The following KMT2C variants were observed in gnomAD, a reference collection of about 807,000 sequenced individuals.
KMT2C encodes the protein lysine methyltransferase 2C.
In KMT2C, 88 loss-of-function variants were observed where a neutral mutation model predicts 507.9. That is an observed-to-expected ratio of 0.17 (90% CI 0.15 to 0.21). The LOEUF (loss-of-function observed/expected upper bound fraction) is 0.21, where lower values mean the gene tolerates loss of function less well. Ranked by LOEUF, KMT2C falls within the 10% of genes least tolerant of loss-of-function variation. The probability of loss-of-function intolerance (pLI) is 1.00; values close to 1 mark genes in which losing one functional copy is unlikely to be tolerated. For synonymous variants in KMT2C, 2,049 were observed against 2,080.8 expected (o/e 0.98, Z 0.42); for missense variants, 4,954 against 5,957.8 (o/e 0.83, Z 5.55).
chr7:152,422,283 C>CT (rs1271290677), intron 1 of KMT2C, among the ~76,000 whole-genome samples: 2 of 125,380 alleles, frequency 1.6e-5, no homozygotes, highest in African/African-American at 6.4e-5. Flanking sequence ...CCAGTCTCTA[C>CT]TAAAAAAAAA....
chr7:152,361,825 A>C (rs2097200161), intron 1 of KMT2C, among the ~76,000 whole-genome samples: 1 of 152,230 alleles, frequency 6.6e-6, no homozygotes, highest in South Asian at 2.1e-4. Context: ...CATAAAGCAA[A>C]CATTTACAGA....
chr7:152,221,176 G>A (rs2094756698), intron 22 of KMT2C, among the ~76,000 whole-genome samples: 1 of 152,182 alleles, frequency 6.6e-6, no homozygotes, highest in Admixed American at 6.5e-5. Context: ...AGAATCGCTT[G>A]AACCCGGGAG....
chr7:152,150,841 C>A, intron 51 of KMT2C, 59 bp downstream of exon 51: 1 of 1,186,354 alleles, frequency 8.4e-7, no homozygotes, highest in South Asian at 1.2e-5. Flanking sequence ...TCCCATATGC[C>A]CAGAACACAG....
At chr7:152,336,881 G>A (rs571667780) in intron 2 of KMT2C, among the ~76,000 whole-genome samples, 2 of 152,280 alleles carry the variant, frequency 1.3e-5, no homozygotes, top group South Asian at 4.1e-4. Flanking sequence ...TCAGAAAGGT[G>A]GGGACAACTG....
intron 1 of KMT2C, among the ~76,000 whole-genome samples, chr7:152,403,709 GACACATACACACACACACAC>G (rs2097586170): frequency 2.6e-5 from 4 of 151,114 alleles, no homozygotes; most frequent in African/African-American, 9.7e-5. Flanking sequence ...GAAAAACTGG[GACACATACACACACACACAC>G]ACACACACAC....
chr7:152,367,166 C>T (rs990887995), intron 1 of KMT2C: 13 of 1,455,998 alleles, frequency 8.9e-6, no homozygotes, highest in Non-Finnish European at 1.2e-5. Flanking sequence ...AAAATTCTTC[C>T]AAGGATGGTC....
chr7:152,389,103 C>T (rs1344083103), intron 1 of KMT2C, among the ~76,000 whole-genome samples: 1 of 151,406 alleles, frequency 6.6e-6, no homozygotes, highest in Non-Finnish European at 1.5e-5. Flanking sequence ...AGGATAGTCT[C>T]GACCTCCTGG....
chr7:152,428,248 C>T (rs2097839088), intron 1 of KMT2C, among the ~76,000 whole-genome samples: 1 of 152,020 alleles, frequency 6.6e-6, no homozygotes, highest in African/African-American at 2.4e-5. Flanking sequence ...TTAAACCTAG[C>T]CTACAAAGTA....
At position 152,181,645 on chromosome 7, in the gene KMT2C, T is replaced by C. The variant is rs1292477105; in HGVS notation, c.6215A>G (p.Tyr2072Cys). The change falls in exon 36 of 59, where the codon TAT (tyrosine) becomes TGT (cysteine). Residue 2072 changes from tyrosine to cysteine, a missense_variant. Around this residue, in one of 29 missense-constraint regions of KMT2C, gnomAD observed 1,689 missense variants for 1,654.3 expected, o/e 1.02. Coordinates refer to ENST00000262189, the MANE Select transcript of KMT2C (RefSeq NM_170606.3). ...TCTTGGTGTCAAAGCAGGCCTTTCA[T>C]AAGGGTCAACAGACAATCGCCTTGA... The part of the protein sequence containing the change: ...QASRRLSVDP[Y>C]ERPALTPRPI... The C allele has an allele frequency of 5.0e-6, 8 of 1,613,996 alleles. No homozygotes were observed. Among genetic ancestry groups the C allele is most frequent in the Non-Finnish European group, 6.8e-6 (8 of 1,180,008 alleles).
chr7:152,152,608 C>A (rs1470690557), intron 49 of KMT2C, 97 bp downstream of exon 49: 9 of 1,426,882 alleles, frequency 6.3e-6, no homozygotes, highest in Non-Finnish European at 4.9e-6. Context: ...CAGCATGTTA[C>A]CTGTCCGTTG....
intron 1 of KMT2C, among the ~76,000 whole-genome samples, chr7:152,365,408 C>T (rs935569406): frequency 1.3e-5 from 2 of 152,220 alleles, no homozygotes; most frequent in African/African-American, 4.8e-5. Flanking sequence ...ACTCTGGAGG[C>T]TGAGGCAGAA....
rs575568284 is a variant in KMT2C, at chr7:152,165,680, ATTTT to A, written c.9750+1462_9750+1465del. On this transcript the variant is annotated intron_variant, in intron 42 of 58. Transcript: ENST00000262189. Reference sequence around the variant, plus strand: ...ATGTACAGTGGGGGTATTTTTTGGGATTTTTTTTGTTTTGTTTTGTTTTTGAGAC... The same window carrying A: ...ATGTACAGTGGGGGTATTTTTTGGGATTTTGTTTTGTTTTGTTTTTGAGAC... Among the ~76,000 whole-genome samples the A allele has an allele frequency of 2.2e-4, 34 of 151,836 alleles. 1 individual carries two copies. Among genetic ancestry groups the A allele is most frequent in the African/African-American group, 8.0e-4 (33 of 41,430 alleles).
chr7:152,367,123 G>T, intron 1 of KMT2C: 2 of 993,874 alleles, frequency 2.0e-6, no homozygotes. Context: ...GAAGAGTGTG[G>T]TCTCCTAGAA....
At chr7:152,325,392 C>T (rs1279481772) in intron 3 of KMT2C, among the ~76,000 whole-genome samples, 3 of 151,838 alleles carry the variant, frequency 2.0e-5, no homozygotes, top group African/African-American at 7.3e-5. Flanking sequence ...CAGGGATCCA[C>T]CCACCTTAGC....
chr7:152,435,873 C>T lies in KMT2C; in HGVS notation c.-87G>A. ...GGCCGCCGCCGCCGCCGCTGCTGCTCGGGTTCCTCCTCCCCGGCTCAGCCT... is the reference window on the plus strand; with the variant it reads ...GGCCGCCGCCGCCGCCGCTGCTGCTTGGGTTCCTCCTCCCCGGCTCAGCCT... On this transcript the variant is annotated 5_prime_UTR_variant, in exon 1 of 59. Transcript: ENST00000262189. 2.2e-6 allele frequency: 3 copies of T among 1,349,264 alleles called. No individual in the cohort carries two copies. The highest frequency in any genetic ancestry group is 1.6e-5 in the South Asian group (1 of 60,832). 83.6% of individuals were successfully genotyped at this position (1,349,264 alleles called of 1,614,324 possible). A position where few individuals can be genotyped will look rare whatever the true frequency, so the allele number is the denominator to read the frequency against.
chr7:152,231,589 T>TG (rs1196230742), intron 16 of KMT2C, among the ~76,000 whole-genome samples: 1 of 152,206 alleles, frequency 6.6e-6, no homozygotes, highest in Non-Finnish European at 1.5e-5. Flanking sequence ...GAGACCAGCC[T>TG]GGGCAACACG....
chr7:152,365,609 T>C (rs2097236491), intron 1 of KMT2C, among the ~76,000 whole-genome samples: 1 of 152,308 alleles, frequency 6.6e-6, no homozygotes, highest in African/African-American at 2.4e-5. Flanking sequence ...AGGTCTTGAA[T>C]TCCTGGTCTC....
rs6954722 is a variant in KMT2C at position 152,137,070 on chromosome 7, T to C, written c.14644-146A>G. 8,984 of 634,390 alleles carry C rather than the reference T, an allele frequency of 0.014. 605 individuals are homozygous for C. In the African/African-American group the frequency reaches 0.15, roughly 10 times the overall value. 39.3% of individuals were successfully genotyped at this position (634,390 alleles called of 1,614,324 possible). A position where few individuals can be genotyped will look rare whatever the true frequency, so the allele number is the denominator to read the frequency against. On this transcript the variant is annotated intron_variant, in intron 58 of 58. Coordinates refer to ENST00000262189, the MANE Select transcript of KMT2C (RefSeq NM_170606.3). ...GATTTATTGAGGTTCCATGGGACCC[T>C]GGGGGAACCCTGAAAAGAGGCATTG...
chr7:152,281,822 T>A (rs894991867), intron 6 of KMT2C, among the ~76,000 whole-genome samples: 4 of 151,980 alleles, frequency 2.6e-5, no homozygotes, highest in African/African-American at 7.2e-5. Context: ...ATTTTACAAA[T>A]GAAGCAGAGA....
Sources: allele counts gnomAD v4.1 joint callset (sites outside exome capture counted in the v4.1 genomes callset), GRCh38; gene constraint gnomAD v4.1.1; regional missense constraint gnomAD v4.1.1; transcripts MANE v1.5; gene names NCBI Gene and HGNC (gene_info 2026-07-23, HGNC 2026-07-21).